VPS54: variants seen among roughly 807,000 people sequenced by gnomAD.
VPS54 encodes the protein VPS54 subunit of GARP complex, also known as vacuolar protein sorting-associated protein 54.
VPS54 carries 45 observed loss-of-function variants against 121.5 expected under a neutral mutation model. The ratio of observed to expected loss-of-function variants is 0.37; its 90% CI spans 0.29 to 0.47. The LOEUF is 0.47. Among genes scored for constraint, VPS54 ranks in the 20% least tolerant of loss-of-function variants. The pLI is 0.99. For missense variants in VPS54, 1,090 were observed against 1,131.4 expected (o/e 0.96, Z 0.52); for synonymous variants, 371 against 385.8 (o/e 0.96, Z 0.45).
In VPS54 at chr2:63,914,162, T is replaced by C. The variant is rs1673274451; in HGVS notation, c.2334+20A>G. ...AATTCCTCGAAAAATTTTTCCATAA[T>C]GGAGTGAAGTCATACATACCTTCAA... On this transcript the variant is annotated intron_variant, in intron 17 of 22. Coordinates refer to ENST00000272322, the MANE Select transcript of VPS54 (RefSeq NM_016516.3). 3 of 1,589,774 alleles carry C rather than the reference T, an allele frequency of 1.9e-6. No individual in the cohort carries two copies. The highest frequency in any genetic ancestry group is 2.6e-6 in the Non-Finnish European group (3 of 1,161,068).
At chr2:63,897,630 GA>G (rs1276632171) in intron 21 of VPS54, 40 bp from the exon 22 acceptor site, 1 of 1,186,400 alleles carries the variant, frequency 8.4e-7, no homozygotes. Context: ...AAGTTCTACT[GA>G]AATAGAAGAT....
chr2:63,967,142 A>G (rs1333985782), intron 5 of VPS54, among the ~76,000 whole-genome samples: 1 of 152,168 alleles, frequency 6.6e-6, no homozygotes, highest in Non-Finnish European at 1.5e-5. Context: ...GGCCTAAAAC[A>G]TGGTTTAATC....
At chr2:63,968,742 CAGAAAGAAAA>C (rs1044790168) in intron 5 of VPS54, among the ~76,000 whole-genome samples, 3 of 140,252 alleles carry the variant, frequency 2.1e-5, no homozygotes, top group East Asian at 4.1e-4. Flanking sequence ...AACAGAAAAG[CAGAAAGAAAA>C]AGAAAGAAAG....
At chr2:63,947,641 C>T (rs1675042750) in intron 8 of VPS54, 151 bp from the exon 9 acceptor site, 1 of 648,262 alleles carries the variant, frequency 1.5e-6, no homozygotes, top group Non-Finnish European at 2.3e-6. Context: ...CCTCCCACAG[C>T]AATCTTATCA....
intron 3 of VPS54, among the ~76,000 whole-genome samples, chr2:63,979,396 T>C (rs1267434044): frequency 1.3e-5 from 2 of 151,984 alleles, no homozygotes; most frequent in Non-Finnish European, 2.9e-5. Context: ...CCTGCCATCA[T>C]GCCTGGCTAA....
At chr2:63,925,121 G>T (rs1673836899) in intron 12 of VPS54, among the ~76,000 whole-genome samples, 1 of 152,180 alleles carries the variant, frequency 6.6e-6, no homozygotes, top group Non-Finnish European at 1.5e-5. Flanking sequence ...AGTCAATACA[G>T]AAAGTGGGAG....
Position 63,972,209 on chromosome 2 carries a change from A to G in VPS54, c.414T>C (p.Cys138=). 1 of 1,596,930 alleles carries G rather than the reference A, an allele frequency of 6.3e-7. No individual in the cohort carries two copies. The highest frequency in any genetic ancestry group is 8.6e-7 in the Non-Finnish European group (1 of 1,168,290). Residue 138 remains cysteine (C), a synonymous_variant, in exon 4 of 23, where the codon TGT becomes TGC. Coordinates refer to ENST00000272322, the MANE Select transcript of VPS54 (RefSeq NM_016516.3). Reference sequence around the variant, plus strand: ...TCCTTTCGAAGGTATCTTTAGGAGGACAAATATTCTTGCATCTCTCATGAA... The same window carrying G: ...TCCTTTCGAAGGTATCTTTAGGAGGGCAAATATTCTTGCATCTCTCATGAA... ...EKIHERCKNI[C]PPKDTFERTL...
At chr2:63,950,924 T>A (rs1675211827) in intron 7 of VPS54, among the ~76,000 whole-genome samples, 1 of 152,178 alleles carries the variant, frequency 6.6e-6, no homozygotes, top group African/African-American at 2.4e-5. Flanking sequence ...TCTCCTATTA[T>A]CATGACATTT....
At chr2:63,943,015 T>C (rs576450552) in intron 10 of VPS54, among the ~76,000 whole-genome samples, 170 of 152,218 alleles carry the variant, frequency 1.1e-3, no homozygotes, top group Non-Finnish European at 1.4e-3. Context: ...TTGCTAGCTA[T>C]GTGGCTCTGG....
intron 4 of VPS54, among the ~76,000 whole-genome samples, chr2:63,970,210 TATACACACAC>T (rs1354497119): frequency 3.0e-5 from 3 of 101,588 alleles, no homozygotes; most frequent in East Asian, 2.2e-4. Flanking sequence ...AAAATATATA[TATACACACAC>T]ACACACACAC....
chr2:63,968,530 G>A (rs10174258), intron 5 of VPS54, among the ~76,000 whole-genome samples: 226 of 151,890 alleles, frequency 1.5e-3, no homozygotes, highest in African/African-American at 4.9e-3. Flanking sequence ...CGGCCAACAC[G>A]GTGAAACCCC....
rs774324244 is a variant in VPS54, at chr2:63,921,228, T to C, written c.1847A>G (p.Lys616Arg). 4.4e-6 allele frequency: 7 copies of C among 1,608,580 alleles called. No homozygotes were observed. Among genetic ancestry groups the C allele is most frequent in the Admixed American group, 3.3e-5 (2 of 59,814 alleles). The change falls in exon 13 of 23, where the codon AAA (lysine) becomes AGA (arginine). Residue 616 changes from lysine (K) to arginine (R), a missense_variant. Transcript: ENST00000272322. ...TACCTTTGCTCTTGACATGAGAAAT[T>C]TGACAGCTCGATCATGGCATATATC... ...ASDICHDRAV[K>R]FLMSRAKDGF...
At chr2:63,911,975 G>A (rs1673169350) in intron 20 of VPS54, among the ~76,000 whole-genome samples, 1 of 152,112 alleles carries the variant, frequency 6.6e-6, no homozygotes, top group Admixed American at 6.5e-5. Context: ...AAACAAACAA[G>A]AAATGAATGT....
intron 1 of VPS54, among the ~76,000 whole-genome samples, chr2:63,989,097 C>G (rs1298013302): frequency 1.3e-5 from 2 of 152,126 alleles, no homozygotes; most frequent in African/African-American, 4.8e-5. Flanking sequence ...TGCAGCACCC[C>G]CAGGCTTATT....
intron 12 of VPS54, among the ~76,000 whole-genome samples, chr2:63,926,568 C>G (rs183472355): frequency 6.6e-6 from 1 of 152,172 alleles, no homozygotes; most frequent in East Asian, 1.9e-4. Flanking sequence ...CCAGCGAGAT[C>G]GACGCAGAAG....
Position 63,916,882 on chromosome 2 carries a change from G to C in VPS54, c.2228+18C>G. On this transcript the variant is annotated intron_variant, in intron 16 of 22. Transcript: ENST00000272322. Reference sequence around the variant, plus strand: ...TTAAATAGTTGACTCAACTACTAAAGAAAAATGTGTCACTCACCCAACAAC... The same window carrying C: ...TTAAATAGTTGACTCAACTACTAAACAAAAATGTGTCACTCACCCAACAAC... 1 of 1,612,640 alleles carries C rather than the reference G, an allele frequency of 6.2e-7. No homozygotes were observed. The highest frequency in any genetic ancestry group is 8.5e-7 in the Non-Finnish European group (1 of 1,178,952).
At chr2:63,919,787 G>T (rs1375019460) in intron 15 of VPS54, 96 bp downstream of exon 15, 9 of 809,330 alleles carry the variant, frequency 1.1e-5, no homozygotes, top group Admixed American at 3.4e-5. Context: ...TTCTAGCTTT[G>T]AAATAGGCAT....
intron 7 of VPS54, among the ~76,000 whole-genome samples, chr2:63,951,101 C>T (rs938312263): frequency 5.3e-5 from 8 of 151,978 alleles, no homozygotes; most frequent in African/African-American, 1.9e-4. Context: ...TAAGCCTGCA[C>T]CTGCATAAAA....
intron 7 of VPS54, among the ~76,000 whole-genome samples, chr2:63,956,540 A>C (rs1347461361): frequency 2.0e-5 from 3 of 152,174 alleles, no homozygotes; most frequent in Non-Finnish European, 4.4e-5. Flanking sequence ...TGATGTTCAG[A>C]GTGATCTATT....
Sources: gnomAD v4.1 joint callset for allele counts (sites outside exome capture counted in the v4.1 genomes callset) on GRCh38, gnomAD v4.1.1 for gene constraint, MANE v1.5 for transcripts, NCBI Gene and HGNC (gene_info 2026-07-23, HGNC 2026-07-21) for gene names.